The following TPO variants were observed in gnomAD, a reference collection of about 807,000 sequenced individuals.
TPO encodes thyroid microsomal antigen.
A neutral mutation model predicts 96.9 loss-of-function variants in TPO; 78 were observed. That is an observed-to-expected ratio of 0.81 (90% CI 0.67 to 0.97). TPO has a LOEUF of 0.97. Ranked by LOEUF, TPO falls within the 50% of genes least tolerant of loss-of-function variation. The probability of loss-of-function intolerance (pLI) is 0.00; values close to 1 mark genes in which losing one functional copy is unlikely to be tolerated. For synonymous variants in TPO, 547 were observed against 538.0 expected (o/e 1.02, Z -0.23); for missense variants, 1,252 against 1,274.8 (o/e 0.98, Z 0.27).
intron 14 of TPO, among the ~76,000 whole-genome samples, chr2:1,505,849 GTT>G (rs56300488): frequency 1.1e-4 from 15 of 141,624 alleles, no homozygotes; most frequent in African/African-American, 3.1e-4. Flanking sequence ...CTTTTTGGCA[GTT>G]TTTTTTTTTT....
At position 1,442,446 on chromosome 2, in the gene TPO, T is replaced by G. The variant is rs1433017097; in HGVS notation, c.482+6062T>G. ...ATGCAATGTTAGACAGTGTATTACATATGATTATTCATAAGCAGAAATACA... is the reference window on the plus strand; with the variant it reads ...ATGCAATGTTAGACAGTGTATTACAGATGATTATTCATAAGCAGAAATACA... On this transcript the variant is annotated intron_variant, in intron 5 of 16. Transcript: ENST00000329066. 2.6e-5 allele frequency among the ~76,000 whole-genome samples: 4 copies of G among 152,202 alleles called. No homozygotes were observed. The East Asian group carries it at 7.7e-4, about 29-fold the overall frequency.
Position 1,423,110 on chromosome 2 carries a change from A to G in TPO, c.160A>G (p.Met54Val). ...EESKRLVDTA[M>V]YATMQRNLKK... The stretch of plus-strand genomic sequence containing the variant: ...AAGCAAGCGCCTGGTGGACACCGCC[A>G]TGTACGCCACGATGCAGAGGTGAGC... Residue 54 changes from methionine to valine, a missense_variant, in exon 3 of 17, where the codon ATG (methionine) becomes GTG (valine). Physicochemically the swap from Met to Val is conservative, Grantham distance 21. Transcript: ENST00000329066. The G allele has an allele frequency of 6.2e-7, 1 of 1,614,046 alleles. No homozygotes were observed. Among genetic ancestry groups the G allele is most frequent in the Middle Eastern group, 1.7e-4 (1 of 6,058 alleles).
At chr2:1,487,609 C>T (rs6714887) in intron 9 of TPO, among the ~76,000 whole-genome samples, 3 of 151,834 alleles carry the variant, frequency 2.0e-5, no homozygotes, top group Non-Finnish European at 2.9e-5. Context: ...TGGTAGCGGG[C>T]GCCTGTAGTC....
At chr2:1,479,039 T>C (rs1670282912) in intron 8 of TPO, among the ~76,000 whole-genome samples, 2 of 152,198 alleles carry the variant, frequency 1.3e-5, no homozygotes, top group African/African-American at 4.8e-5. Flanking sequence ...CTTGTCACTA[T>C]GTGAAGTAAA....
chr2:1,401,765 A>C (rs1376947423), intron 1 of TPO, among the ~76,000 whole-genome samples: 3 of 152,122 alleles, frequency 2.0e-5, no homozygotes, highest in African/African-American at 7.2e-5. Context: ...TATCTCAGTG[A>C]TGACCTCCCA....
chr2:1,423,009 C>T, intron 2 of TPO, 36 bp from the exon 3 acceptor site: 1 of 1,601,190 alleles, frequency 6.2e-7, no homozygotes, highest in Non-Finnish European at 8.6e-7. Flanking sequence ...GCTGAACTGT[C>T]ATTGCGCTTT....
intron 14 of TPO, among the ~76,000 whole-genome samples, chr2:1,512,148 C>T (rs553743945): frequency 3.3e-5 from 5 of 152,326 alleles, no homozygotes; most frequent in Non-Finnish European, 7.3e-5. Flanking sequence ...ATTCTCCTGC[C>T]TCAGCCTCCC....
chr2:1,485,815 A>G (rs963658099), intron 9 of TPO, among the ~76,000 whole-genome samples: 15 of 152,216 alleles, frequency 9.9e-5, no homozygotes, highest in Non-Finnish European at 1.8e-4. Context: ...GCCCTTTGTC[A>G]GATGGGTAGA....
chr2:1,480,891 A>G (rs1053828362), intron 8 of TPO, among the ~76,000 whole-genome samples: 1 of 78,196 alleles, frequency 1.3e-5, no homozygotes, highest in Non-Finnish European at 3.1e-5. Context: ...AGCCGCCCCC[A>G]CTCTGAGGAT....
intron 6 of TPO, 111 bp from the exon 7 acceptor site, chr2:1,455,965 C>G: frequency 9.0e-7 from 1 of 1,108,522 alleles, no homozygotes; most frequent in Non-Finnish European, 1.3e-6. Flanking sequence ...CTAGGGGCAC[C>G]TGGAGCTCTG....
intron 4 of TPO, among the ~76,000 whole-genome samples, chr2:1,434,297 C>T (rs1037523377): frequency 5.9e-5 from 9 of 152,298 alleles, no homozygotes; most frequent in Admixed American, 2.0e-4. Flanking sequence ...TTCTCTGCAG[C>T]GCCATGAGCT....
intron 1 of TPO, among the ~76,000 whole-genome samples, chr2:1,391,799 T>C (rs1662004447): frequency 6.6e-6 from 1 of 152,240 alleles, no homozygotes; most frequent in African/African-American, 2.4e-5. Context: ...AGTTCACTCA[T>C]GATTTGGCTC....
intron 16 of TPO, chr2:1,542,004 G>GTGAATTTAAATA (rs1680818924): frequency 8.6e-6 from 2 of 233,434 alleles, no homozygotes; most frequent in Admixed American, 1.0e-4. Context: ...GAGGCTCTTT[G>GTGAATTTAAATA]TGAATTTAAA....
intron 13 of TPO, among the ~76,000 whole-genome samples, chr2:1,500,986 A>G (rs1331377261): frequency 6.6e-6 from 1 of 151,902 alleles, no homozygotes; most frequent in Non-Finnish European, 1.5e-5. Flanking sequence ...AAAAAAAAAA[A>G]AACTGGCAAA....
intron 7 of TPO, among the ~76,000 whole-genome samples, chr2:1,469,843 G>A (rs554209624): frequency 2.6e-5 from 4 of 152,280 alleles, no homozygotes; most frequent in African/African-American, 4.8e-5. Flanking sequence ...GGAGCCATCC[G>A]CTTTCTTCAG....
At chr2:1,534,663 ACCC>A (rs536160810) in intron 15 of TPO, among the ~76,000 whole-genome samples, 2 of 6,304 alleles carry the variant, frequency 3.2e-4, no homozygotes, top group Admixed American at 3.3e-3. Context: ...GTCCCCAAAT[ACCC>A]CCCCCACTCT....
At chr2:1,461,219 G>A (rs1291839034) in intron 7 of TPO, among the ~76,000 whole-genome samples, 1 of 152,156 alleles carries the variant, frequency 6.6e-6, no homozygotes, top group Non-Finnish European at 1.5e-5. Context: ...AGGGTCACGT[G>A]ATGGTTGTGG....
chr2:1,519,469 C>A (rs1454581201), intron 15 of TPO, among the ~76,000 whole-genome samples: 1 of 152,182 alleles, frequency 6.6e-6, no homozygotes, highest in Non-Finnish European at 1.5e-5. Context: ...CACCTACTCT[C>A]TCTACAAGAC....
Position 1,414,430 on chromosome 2 carries a change from T to C in TPO, c.22T>C (p.Ser8Pro), listed in dbSNP as rs1662674672. The C allele has an allele frequency of 6.2e-7, 1 of 1,613,840 alleles. No homozygotes were observed. The highest frequency in any genetic ancestry group is 8.5e-7 in the Non-Finnish European group (1 of 1,179,936). ...TAGAATGAGAGCGCTCGCTGTGCTG[T>C]CTGTCACGCTGGTTATGGCCTGCAC... MRALAVLSVTLVMACTEA... is the reference protein window; with the variant it reads MRALAVLPVTLVMACTEA... Residue 8 changes from serine to proline, a missense_variant, in exon 2 of 17, where the codon TCT becomes CCT. Ser to Pro is a moderately conservative substitution (Grantham distance 74). Transcript: ENST00000329066.
Sources: gnomAD v4.1 joint callset for allele counts (sites outside exome capture counted in the v4.1 genomes callset) on GRCh38, gnomAD v4.1.1 for gene constraint, MANE v1.5 for transcripts, NCBI Gene and HGNC (gene_info 2026-07-23, HGNC 2026-07-21) for gene names.